The following DOCK8 variants were observed in gnomAD, a reference collection of about 807,000 sequenced individuals.
DOCK8 encodes dedicator of cytokinesis protein 8.
DOCK8 carries 141 observed loss-of-function variants against 245.6 expected under a neutral mutation model. That is an observed-to-expected ratio of 0.57 (90% CI 0.50 to 0.66). The LOEUF is 0.66. DOCK8 is among the 30% of genes least tolerant of loss of function. The pLI is 0.00. For missense variants in DOCK8, 2,965 were observed against 2,603.4 expected (o/e 1.14, Z -3.02); for synonymous variants, 1,168 against 970.2 (o/e 1.20, Z -3.79).
chr9:296,678 T>G (rs1285039763), intron 4 of DOCK8, among the ~76,000 whole-genome samples: 4 of 152,226 alleles, frequency 2.6e-5, no homozygotes, highest in Non-Finnish European at 1.5e-5. Flanking sequence ...TGATCAATAA[T>G]TGCTTATTAT....
At chr9:297,724 C>G (rs571148383) in intron 4 of DOCK8, among the ~76,000 whole-genome samples, 2 of 152,164 alleles carry the variant, frequency 1.3e-5, no homozygotes, top group Non-Finnish European at 2.9e-5. Context: ...CCCTTGTCCT[C>G]TCCTCCCCAG....
chr9:414,699 T>C, intron 28 of DOCK8, 83 bp from the exon 29 acceptor site: 1 of 1,568,396 alleles, frequency 6.4e-7, no homozygotes, highest in South Asian at 1.1e-5. Context: ...CTTAGGAGCG[T>C]TTTCATCACT....
intron 34 of DOCK8, among the ~76,000 whole-genome samples, chr9:427,599 G>A (rs2056548761): frequency 6.6e-6 from 1 of 152,072 alleles, no homozygotes; most frequent in South Asian, 2.1e-4. Flanking sequence ...TAATTACCCT[G>A]AAAAATGAGT....
intron 1 of DOCK8, among the ~76,000 whole-genome samples, chr9:247,800 GTGCTGGGA>G (rs1420547976): frequency 6.6e-6 from 1 of 152,110 alleles, no homozygotes; most frequent in Non-Finnish European, 1.5e-5. Flanking sequence ...GCCTCCCAAA[GTGCTGGGA>G]TTATGGCAGA....
At chr9:407,174 G>C in intron 28 of DOCK8, 105 bp downstream of exon 28, 1 of 1,527,770 alleles carries the variant, frequency 6.5e-7, no homozygotes, top group Non-Finnish European at 8.9e-7. Flanking sequence ...CTCTACTGTA[G>C]TTGACCAGTT....
At chr9:327,232 G>A (rs1310011971) in intron 8 of DOCK8, among the ~76,000 whole-genome samples, 1 of 151,984 alleles carries the variant, frequency 6.6e-6, no homozygotes, top group Non-Finnish European at 1.5e-5. Context: ...ATCTTCTAAG[G>A]CCCATCCATC....
At chr9:384,076 C>T (rs2053842634) in intron 22 of DOCK8, among the ~76,000 whole-genome samples, 1 of 152,166 alleles carries the variant, frequency 6.6e-6, no homozygotes, top group Non-Finnish European at 1.5e-5. Flanking sequence ...AGTCTTGCCT[C>T]CATAGGCTCC....
At chr9:293,158 A>G (rs970777480) in intron 4 of DOCK8, among the ~76,000 whole-genome samples, 13 of 152,166 alleles carry the variant, frequency 8.5e-5, no homozygotes, top group Non-Finnish European at 4.4e-5. Context: ...TTCAGAACTC[A>G]TTGTCAGTTT....
At chr9:409,387 G>A (rs565136595) in intron 28 of DOCK8, among the ~76,000 whole-genome samples, 2 of 152,160 alleles carry the variant, frequency 1.3e-5, no homozygotes, top group African/African-American at 2.4e-5. Flanking sequence ...ACCCATTGCC[G>A]GGACCACAGA....
chr9:218,738 G>A (rs1198162499), intron 1 of DOCK8, among the ~76,000 whole-genome samples: 1 of 152,092 alleles, frequency 6.6e-6, no homozygotes, highest in African/African-American at 2.4e-5. Context: ...TAAGAACCTT[G>A]GATAAAGAGG....
intron 1 of DOCK8, among the ~76,000 whole-genome samples, chr9:260,556 C>G (rs560279775): frequency 1.2e-4 from 19 of 152,320 alleles, no homozygotes; most frequent in African/African-American, 4.1e-4. Context: ...CAAACACTTT[C>G]ACCCAGCAAT....
intron 21 of DOCK8, chr9:381,494 C>G (rs1179021510): frequency 6.6e-6 from 1 of 152,212 alleles, no homozygotes; most frequent in Non-Finnish European, 1.5e-5. Context: ...CCCAACTCTT[C>G]TTAATTATTT....
chr9:392,165 T>C (rs1392265859), intron 24 of DOCK8, among the ~76,000 whole-genome samples: 4 of 146,536 alleles, frequency 2.7e-5, no homozygotes, highest in Non-Finnish European at 4.5e-5. Context: ...AGAGAGGGAC[T>C]AAAGAGATGG....
At chr9:341,639 G>A (rs994032881) in intron 14 of DOCK8, among the ~76,000 whole-genome samples, 6 of 152,134 alleles carry the variant, frequency 3.9e-5, no homozygotes, top group African/African-American at 1.4e-4. Flanking sequence ...ACACACATCT[G>A]TGAACGCTCA....
intron 33 of DOCK8, among the ~76,000 whole-genome samples, chr9:425,646 T>C (rs1046840199): frequency 1.3e-4 from 19 of 150,974 alleles, no homozygotes; most frequent in African/African-American, 4.2e-4. Flanking sequence ...TGGTCCCAGA[T>C]ACTCAGGAGG....
At chr9:268,380 G>A (rs1237214868) in intron 1 of DOCK8, 1 of 152,174 alleles carries the variant, frequency 6.6e-6, no homozygotes, top group Non-Finnish European at 1.5e-5. Flanking sequence ...GTATGTGGAC[G>A]ACTGGAACAG....
chr9:428,319 C>T (rs1421009011), intron 34 of DOCK8, 43 bp from the exon 35 acceptor site: 1 of 1,613,386 alleles, frequency 6.2e-7, no homozygotes, highest in Non-Finnish European at 8.5e-7. Flanking sequence ...AGTTCATTGG[C>T]ACAGTGCAGG....
intron 17 of DOCK8, 129 bp from the exon 18 acceptor site, chr9:372,056 A>T (rs1233977427): frequency 6.2e-6 from 5 of 803,300 alleles, no homozygotes; most frequent in South Asian, 5.9e-5. Context: ...GACAGAAATT[A>T]CTGCCAAAAA....
intron 1 of DOCK8, among the ~76,000 whole-genome samples, chr9:228,053 A>G (rs1048153301): frequency 2.6e-5 from 4 of 152,150 alleles, no homozygotes; most frequent in African/African-American, 7.2e-5. Flanking sequence ...GTCAGGTTTC[A>G]TAAGGTTATA....
Sources: allele counts gnomAD v4.1 joint callset (sites outside exome capture counted in the v4.1 genomes callset), GRCh38; gene constraint gnomAD v4.1.1; transcripts MANE v1.5; gene names NCBI Gene and HGNC (gene_info 2026-07-23, HGNC 2026-07-21).